The following PPP1R13B variants were observed in gnomAD, a reference collection of about 807,000 sequenced individuals.
PPP1R13B encodes the protein protein phosphatase 1 regulatory subunit 13B.
PPP1R13B carries 44 observed loss-of-function variants against 119.8 expected under a neutral mutation model. The observed-to-expected ratio is 0.37, with a 90% CI of 0.29 to 0.47. PPP1R13B has a LOEUF of 0.47. PPP1R13B is among the 20% of genes least tolerant of loss of function. PPP1R13B has a pLI of 0.99. For missense variants in PPP1R13B, 1,227 were observed against 1,413.5 expected (o/e 0.87, Z 2.12); for synonymous variants, 542 against 561.5 (o/e 0.97, Z 0.49).
chr14:103,753,286 T>A, intron 6 of PPP1R13B, 90 bp from the exon 7 acceptor site: 1 of 1,313,300 alleles, frequency 7.6e-7, no homozygotes, highest in African/African-American at 1.5e-5. Flanking sequence ...TCTAGTATCA[T>A]TTAGTGCCAG....
intron 4 of PPP1R13B, among the ~76,000 whole-genome samples, chr14:103,758,993 C>T: frequency 6.7e-6 from 1 of 150,112 alleles, no homozygotes; most frequent in Non-Finnish European, 1.5e-5. Flanking sequence ...GAGTCTCGCT[C>T]TGTCACCCAG....
At chr14:103,800,041 G>C (rs902928955) in intron 1 of PPP1R13B, among the ~76,000 whole-genome samples, 1 of 151,932 alleles carries the variant, frequency 6.6e-6, no homozygotes, top group Non-Finnish European at 1.5e-5. Context: ...GACAGAGCAA[G>C]ACTCTATCTC....
At position 103,823,014 on chromosome 14, in the gene PPP1R13B, T is replaced by G. The variant is rs778611692; in HGVS notation, c.9+24285A>C. Among the ~76,000 whole-genome samples the G allele has an allele frequency of 4.9e-4, 75 of 151,924 alleles. 1 individual carries two copies. The highest frequency in any genetic ancestry group is 3.4e-3 in the Middle Eastern group (1 of 294). On this transcript the variant is annotated intron_variant, in intron 1 of 16. Coordinates refer to ENST00000202556, the MANE Select transcript of PPP1R13B (RefSeq NM_015316.3). ...GACCCCAAAAGCCTACTATATCACA[T>G]TGCCCATAAGGATCCCTAAGTCTCT... is the stretch of plus-strand genomic sequence containing the variant.
chr14:103,758,546 G>A (rs2151988041), intron 4 of PPP1R13B, among the ~76,000 whole-genome samples: 1 of 152,364 alleles, frequency 6.6e-6, no homozygotes, highest in Admixed American at 6.5e-5. Context: ...ACTGTGTACT[G>A]TGACAGACAT....
intron 1 of PPP1R13B, among the ~76,000 whole-genome samples, chr14:103,803,832 C>T (rs1343284717): frequency 6.6e-6 from 1 of 152,104 alleles, no homozygotes; most frequent in Non-Finnish European, 1.5e-5. Flanking sequence ...CAAATCCTGC[C>T]CCTTTCTGCT....
chr14:103,825,104 T>C (rs2086506153), intron 1 of PPP1R13B, among the ~76,000 whole-genome samples: 3 of 152,204 alleles, frequency 2.0e-5, no homozygotes, highest in Non-Finnish European at 4.4e-5. Context: ...CTGTGATCAG[T>C]GGTCTTTAAC....
chr14:103,823,840 A>G (rs2086469909), intron 1 of PPP1R13B, among the ~76,000 whole-genome samples: 1 of 152,094 alleles, frequency 6.6e-6, no homozygotes, highest in African/African-American at 2.4e-5. Context: ...TTTAAAAAAA[A>G]AAGTCAACCA....
At position 103,742,087 on chromosome 14, in the gene PPP1R13B, T is replaced by A. The variant is rs1441697139; in HGVS notation, c.1525A>T (p.Thr509Ser). ...RPTLLPATGS[T>S]PQPGSSQQIQ... ...TGTTGTGAGGAGCCTGGCTGGGGGG[T>A]GCTGCCTGTGGCGGGCAGCAGGGTG... Residue 509 changes from threonine to serine, a missense_variant, in exon 11 of 17, where the codon ACC becomes TCC. Thr to Ser is a moderately conservative substitution (Grantham distance 58). Transcript: ENST00000202556. This position sits in a 1 kb window ranked among gnomAD's most constrained non-coding sequence, Gnocchi z 4.9. 9 of 1,613,630 alleles carry A rather than the reference T, an allele frequency of 5.6e-6. No individual in the cohort carries two copies. The highest frequency in any genetic ancestry group is 7.6e-6 in the Non-Finnish European group (9 of 1,179,918).
rs148739330 is a variant in PPP1R13B, at chr14:103,769,954, C to T, written c.354+8791G>A. Among the ~76,000 whole-genome samples, 749 of 152,212 alleles carry T rather than the reference C, an allele frequency of 4.9e-3. 7 individuals are homozygous for T. The highest frequency in any genetic ancestry group is 0.017 in the African/African-American group (703 of 41,546). On this transcript the variant is annotated intron_variant, in intron 4 of 16. Coordinates refer to ENST00000202556, the MANE Select transcript of PPP1R13B (RefSeq NM_015316.3). ...TTTCATATTCCAATAATTACTAAGT[C>T]TCACAAATTAATAAGAGCCAATTAG...
intron 4 of PPP1R13B, among the ~76,000 whole-genome samples, chr14:103,771,031 C>A (rs1198079926): frequency 6.6e-6 from 1 of 152,114 alleles, no homozygotes; most frequent in Non-Finnish European, 1.5e-5. Context: ...GATGCGAAGA[C>A]CTACAACCTC....
intron 16 of PPP1R13B, among the ~76,000 whole-genome samples, chr14:103,735,796 A>G (rs935197437): frequency 1.3e-5 from 2 of 152,176 alleles, no homozygotes; most frequent in Non-Finnish European, 2.9e-5. Context: ...ACGGGCCTCC[A>G]TGGCATAAGC....
At chr14:103,755,581 T>G (rs1236770603) in intron 5 of PPP1R13B, among the ~76,000 whole-genome samples, 1 of 152,140 alleles carries the variant, frequency 6.6e-6, no homozygotes, top group Non-Finnish European at 1.5e-5. Flanking sequence ...TACACCTACA[T>G]AGGGAGAGGT....
At chr14:103,749,988 C>T (rs534996152) in intron 7 of PPP1R13B, 54 bp from the exon 8 acceptor site, 1 of 1,582,654 alleles carries the variant, frequency 6.3e-7, no homozygotes, top group East Asian at 2.2e-5. Flanking sequence ...AAGTCAAATT[C>T]TCATTGCCAG....
intron 8 of PPP1R13B, among the ~76,000 whole-genome samples, chr14:103,749,443 T>C (rs2084481637): frequency 6.6e-6 from 1 of 152,160 alleles, no homozygotes; most frequent in African/African-American, 2.4e-5. Flanking sequence ...GTCAAAGAAT[T>C]TGCTCAAAGT....
At chr14:103,757,185 A>G (rs1333849752) in intron 5 of PPP1R13B, among the ~76,000 whole-genome samples, 5 of 151,606 alleles carry the variant, frequency 3.3e-5, no homozygotes, top group African/African-American at 9.7e-5. Context: ...TTAACCTCCC[A>G]TGTAGCTGGG....
chr14:103,742,613 G>A lies in PPP1R13B; in HGVS notation c.1320+41C>T. On this transcript the variant is annotated intron_variant, in intron 10 of 16. Transcript: ENST00000202556. The surrounding 1 kb of genome is among the most constrained non-coding windows in gnomAD (Gnocchi z 4.9). ...TACTAAGGCAGAAGAGAGCCCTGTT[G>A]AAGAGCCCGCTTGTGTTCTGTGGTA... The A allele has an allele frequency of 1.3e-6, 2 of 1,597,642 alleles. No individual in the cohort carries two copies. The highest frequency in any genetic ancestry group is 4.5e-5 in the East Asian group (2 of 44,694).
intron 16 of PPP1R13B, 52 bp from the exon 17 acceptor site, chr14:103,735,247 G>A (rs759514036): frequency 3.1e-6 from 5 of 1,601,384 alleles, no homozygotes; most frequent in Non-Finnish European, 3.4e-6. Flanking sequence ...CAGGGAGCAG[G>A]GCCAGCCAGA....
Position 103,793,852 on chromosome 14 carries a change from G to T in PPP1R13B, c.157+3519C>A, listed in dbSNP as rs80073686. ...TTAACAGACTGTTACAGGCTGAACT[G>T]TGTCCCCGCTAAATTCATCTGTTGT... On this transcript the variant is annotated intron_variant, in intron 2 of 16. Coordinates refer to ENST00000202556, the MANE Select transcript of PPP1R13B (RefSeq NM_015316.3). Among the ~76,000 whole-genome samples the T allele has an allele frequency of 5.1e-4, 78 of 152,314 alleles. 1 individual carries two copies. In the East Asian group the frequency reaches 0.014, roughly 27 times the overall value.
intron 5 of PPP1R13B, among the ~76,000 whole-genome samples, chr14:103,755,193 C>G (rs114537508): frequency 6.6e-6 from 1 of 152,178 alleles, no homozygotes; most frequent in Non-Finnish European, 1.5e-5. Context: ...CTATCACATC[C>G]GTGATGTTCC....
Sources: gnomAD v4.1 joint callset for allele counts (sites outside exome capture counted in the v4.1 genomes callset) on GRCh38, gnomAD v4.1.1 for gene constraint, Gnocchi (gnomAD v3.1) non-coding constraint, MANE v1.5 for transcripts, NCBI Gene and HGNC (gene_info 2026-07-23, HGNC 2026-07-21) for gene names.